The following SAMD5 variants were observed in gnomAD, a reference collection of about 807,000 sequenced individuals.
The protein encoded by SAMD5 is sterile alpha motif domain containing 5.
In SAMD5, 13 loss-of-function variants were observed where a neutral mutation model predicts 11.3. The ratio of observed to expected loss-of-function variants is 1.15; its 90% CI spans 0.75 to 1.83. SAMD5 has a LOEUF of 1.83. Among genes scored for constraint, SAMD5 ranks in the 40% most tolerant of loss-of-function variants. The pLI, the probability that SAMD5 is intolerant of heterozygous loss-of-function variation, is 0.00. For missense variants in SAMD5, 255 were observed against 239.1 expected, an observed-to-expected ratio of 1.07 and a Z score of -0.44; for synonymous variants, 129 against 111.3, an observed-to-expected ratio of 1.16 and a Z score of -1.00.
At chr6:147,615,697 T>C (rs1280516574) in intron 1 of SAMD5, among the ~76,000 whole-genome samples, 1 of 152,222 alleles carries the variant, frequency 6.6e-6, no homozygotes, top group Non-Finnish European at 1.5e-5. Flanking sequence ...TTAATAAATA[T>C]TTAGTTCTTT....
chr6:147,763,804 G>T, the SAMD5 span, among the ~76,000 whole-genome samples: 1 of 151,852 alleles, frequency 6.6e-6, no homozygotes, highest in Non-Finnish European at 1.5e-5. Flanking sequence ...GGATGGTCTC[G>T]ATCTCCTGAC....
At chr6:147,572,189 T>C (rs1789147254), downstream of SAMD5, among the ~76,000 whole-genome samples, 1 of 152,092 alleles carries the variant, frequency 6.6e-6, no homozygotes, top group Non-Finnish European at 1.5e-5. Flanking sequence ...TGTGAGATGG[T>C]TAGACAGGGC....
the SAMD5 span, among the ~76,000 whole-genome samples, chr6:147,844,183 G>T: frequency 6.6e-6 from 1 of 152,106 alleles, no homozygotes; most frequent in Non-Finnish European, 1.5e-5. Context: ...TTGGGCAAAA[G>T]ACTTGAATAA....
chr6:147,791,033 G>A, the SAMD5 span, among the ~76,000 whole-genome samples: 1 of 152,016 alleles, frequency 6.6e-6, no homozygotes, highest in Non-Finnish European at 1.5e-5. Context: ...GGTGGCTCAC[G>A]CCTGTAATCC....
chr6:147,799,164 C>T, the SAMD5 span, among the ~76,000 whole-genome samples: 10 of 151,814 alleles, frequency 6.6e-5, no homozygotes, highest in Non-Finnish European at 1.2e-4. Flanking sequence ...TTCCTAGTCT[C>T]GATGGTCTTT....
chr6:147,912,496 A>T, the SAMD5 span, among the ~76,000 whole-genome samples: 1 of 152,238 alleles, frequency 6.6e-6, no homozygotes, highest in African/African-American at 2.4e-5. Flanking sequence ...AGAGCATAAA[A>T]GGGTAAAAAT....
the SAMD5 span, among the ~76,000 whole-genome samples, chr6:147,792,359 C>T: frequency 6.6e-6 from 1 of 152,072 alleles, no homozygotes; most frequent in Non-Finnish European, 1.5e-5. Flanking sequence ...GTTTTCTTTG[C>T]TGGAGTAAGA....
the SAMD5 span, among the ~76,000 whole-genome samples, chr6:147,882,520 C>T: frequency 6.6e-6 from 1 of 152,192 alleles, no homozygotes; most frequent in Non-Finnish European, 1.5e-5. Flanking sequence ...TTCCAGGCTG[C>T]AGTGCGCTAT....
chr6:147,824,738 C>T, the SAMD5 span, among the ~76,000 whole-genome samples: 2 of 152,176 alleles, frequency 1.3e-5, no homozygotes, highest in Non-Finnish European at 2.9e-5. Flanking sequence ...ATTTTACTTA[C>T]ATACAATAAT....
chr6:147,804,259 C>T, the SAMD5 span, among the ~76,000 whole-genome samples: 1 of 151,940 alleles, frequency 6.6e-6, no homozygotes, highest in African/African-American at 2.4e-5. Flanking sequence ...AGGTGCACAC[C>T]ACCACACCCA....
chr6:147,694,501 C>T (rs1475992520), intron 1 of SAMD5, among the ~76,000 whole-genome samples: 2 of 152,116 alleles, frequency 1.3e-5, no homozygotes, highest in African/African-American at 4.8e-5. Flanking sequence ...TAAAATTCTA[C>T]TGGTGAAAAT....
chr6:147,603,123 A>G (rs1282471114), intron 1 of SAMD5, among the ~76,000 whole-genome samples: 1 of 152,228 alleles, frequency 6.6e-6, no homozygotes, highest in Non-Finnish European at 1.5e-5. Context: ...CTCATTCTGT[A>G]AAAAGAAACA....
At chr6:147,794,982 G>A in the SAMD5 span, among the ~76,000 whole-genome samples, 1 of 151,842 alleles carries the variant, frequency 6.6e-6, no homozygotes, top group Non-Finnish European at 1.5e-5. Flanking sequence ...TTTAATTAAA[G>A]AGTATGTACT....
intron 1 of SAMD5, among the ~76,000 whole-genome samples, chr6:147,545,778 A>C (rs1365620826): frequency 6.6e-6 from 1 of 152,210 alleles, no homozygotes; most frequent in African/African-American, 2.4e-5. Flanking sequence ...TACATACATA[A>C]ATCAGGTTAT....
chr6:147,514,708 AT>A (rs1250784136), intron 1 of SAMD5, among the ~76,000 whole-genome samples: 1 of 152,036 alleles, frequency 6.6e-6, no homozygotes, highest in African/African-American at 2.4e-5. Context: ...AGGCATCTAG[AT>A]TTTTTCACTG....
At chr6:147,897,964 AAAAAAAAAAAAGT>A in the SAMD5 span, among the ~76,000 whole-genome samples, 1 of 121,968 alleles carries the variant, frequency 8.2e-6, no homozygotes, top group African/African-American at 3.2e-5. Context: ...AAAAAAAAAA[AAAAAAAAAAAAGT>A]AGCCAGGTGA....
chr6:147,564,041 G>C (rs1052681295), intron 1 of SAMD5, among the ~76,000 whole-genome samples: 1 of 152,130 alleles, frequency 6.6e-6, no homozygotes, highest in Non-Finnish European at 1.5e-5. Flanking sequence ...CGTTGCTAAC[G>C]TGTAGTACTG....
chr6:147,807,229 A>G, the SAMD5 span, among the ~76,000 whole-genome samples: 2 of 152,078 alleles, frequency 1.3e-5, no homozygotes, highest in African/African-American at 4.8e-5. Flanking sequence ...ACTCCTGAGT[A>G]GCTGGGACTA....
At chr6:147,656,685 T>C (rs774787677) in intron 1 of SAMD5, among the ~76,000 whole-genome samples, 8 of 152,178 alleles carry the variant, frequency 5.3e-5, no homozygotes, top group African/African-American at 1.9e-4. Flanking sequence ...ATTCATTAGA[T>C]TGGCAAACTT....
Sources: gnomAD v4.1 joint callset for allele counts (sites outside exome capture counted in the v4.1 genomes callset) on GRCh38, gnomAD v4.1.1 for gene constraint, MANE v1.5 for transcripts, NCBI Gene and HGNC (gene_info 2026-07-23, HGNC 2026-07-21) for gene names.